P4HA3: variants seen among roughly 807,000 people sequenced by gnomAD.
P4HA3 encodes the protein prolyl 4-hydroxylase subunit alpha 3.
Under a neutral mutation model 66.7 loss-of-function variants are expected in P4HA3, and 60 were observed. The ratio of observed to expected loss-of-function variants is 0.90; its 90% CI spans 0.73 to 1.12. P4HA3 has a LOEUF of 1.12. P4HA3 is among the 50% of genes most tolerant of loss of function. The pLI is 0.00. For synonymous variants in P4HA3, 263 were observed against 274.6 expected (o/e 0.96, Z 0.42); for missense variants, 683 against 685.8 (o/e 1.00, Z 0.05).
intron 4 of P4HA3, among the ~76,000 whole-genome samples, chr11:74,294,717 C>T (rs1025631766): frequency 6.6e-6 from 1 of 152,182 alleles, no homozygotes; most frequent in African/African-American, 2.4e-5. Context: ...CCACTCCAGA[C>T]CCTGTTTGCC....
At chr11:74,252,254 T>TG (rs1466899604) in intron 15 of P4HA3, among the ~76,000 whole-genome samples, 58 of 150,228 alleles carry the variant, frequency 3.9e-4, no homozygotes, top group African/African-American at 1.3e-3. Flanking sequence ...TTTTTTTGTT[T>TG]TTTTTTTTTT....
chr11:74,250,902 A>T (rs1859641044), intron 15 of P4HA3: 1 of 1,475,516 alleles, frequency 6.8e-7, no homozygotes, highest in Non-Finnish European at 9.3e-7. Flanking sequence ...GAGGCTGCAT[A>T]AGAGAGGGCT....
chr11:74,302,726 A>G, intron 2 of P4HA3, 134 bp from the exon 3 acceptor site: 1 of 792,040 alleles, frequency 1.3e-6, no homozygotes, highest in Non-Finnish European at 2.0e-6. Flanking sequence ...CCCAGAGGCA[A>G]GCACAGTTCC....
At chr11:74,252,239 G>GT (rs974162487) in intron 15 of P4HA3, among the ~76,000 whole-genome samples, 4,241 of 112,186 alleles carry the variant, frequency 0.038, 185 homozygotes, top group African/African-American at 0.12. Flanking sequence ...GGCTAATTTT[G>GT]TTTTTTTTTT....
chr11:74,269,178 T>C (rs905457269), intron 11 of P4HA3, among the ~76,000 whole-genome samples: 2 of 146,290 alleles, frequency 1.4e-5, no homozygotes, highest in Admixed American at 6.7e-5. Flanking sequence ...CCTCTTAGAC[T>C]CAGTTCTCCT....
At position 74,308,738 on chromosome 11, in the gene P4HA3, C is replaced by T. The variant is rs1368253843; in HGVS notation, c.200+2674G>A. Among the ~76,000 whole-genome samples the T allele has an allele frequency of 2.0e-5, 3 of 151,956 alleles. No homozygotes were observed. In the East Asian group the frequency reaches 5.8e-4, roughly 29 times the overall value. ...TTAATACTTAGAGCCAAAAGTGGGG[C>T]CTAGTTTCACTAGATGGTCTTAAAA... On this transcript the variant is annotated intron_variant, in intron 1 of 12. Coordinates refer to ENST00000331597, the MANE Select transcript of P4HA3 (RefSeq NM_182904.5).
intron 1 of P4HA3, among the ~76,000 whole-genome samples, chr11:74,307,953 T>C (rs1386711173): frequency 6.6e-6 from 1 of 152,168 alleles, no homozygotes; most frequent in Non-Finnish European, 1.5e-5. Context: ...TGTTTTAAAC[T>C]GCAAAAACAG....
In P4HA3 at chr11:74,269,674, T is replaced by C. The variant is rs1414460641; in HGVS notation, c.1445A>G (p.Asn482Ser). 6.2e-6 allele frequency: 10 copies of C among 1,613,756 alleles called. No homozygotes were observed. The highest frequency in any genetic ancestry group is 3.3e-5 in the South Asian group (3 of 91,022). ...CACCCTAACCACAGGCACGCTGAGG[T>C]TGGCATAGATGAAGGCTGTGGCTCC... ...AGGATAFIYA[N>S]LSVPVVRNAA... Residue 482 changes from asparagine to serine, a missense_variant, in exon 11 of 13, where the codon AAC (asparagine) becomes AGC (serine). Physicochemically the swap from Asn to Ser is conservative, Grantham distance 46 (BLOSUM62 1). Transcript: ENST00000331597.
chr11:74,298,710 G>C (rs1329506972), intron 3 of P4HA3, among the ~76,000 whole-genome samples: 1 of 152,180 alleles, frequency 6.6e-6, no homozygotes, highest in East Asian at 1.9e-4. Flanking sequence ...AAAGCTTCAT[G>C]CAAGAGGTAG....
At chr11:74,310,206 T>C (rs1314412668) in intron 1 of P4HA3, among the ~76,000 whole-genome samples, 2 of 152,236 alleles carry the variant, frequency 1.3e-5, no homozygotes, top group Non-Finnish European at 2.9e-5. Context: ...GCGCAGCACA[T>C]ATTCATACAG....
At chr11:74,256,266 G>A (rs1859828777) in intron 15 of P4HA3, among the ~76,000 whole-genome samples, 1 of 152,196 alleles carries the variant, frequency 6.6e-6, no homozygotes, top group African/African-American at 2.4e-5. Context: ...GAAGGAGGAT[G>A]ACCGTGGAGA....
At chr11:74,308,041 C>G (rs1257100340) in intron 1 of P4HA3, among the ~76,000 whole-genome samples, 1 of 152,010 alleles carries the variant, frequency 6.6e-6, no homozygotes, top group Admixed American at 6.6e-5. Context: ...ACTATATATA[C>G]TATAACAAGT....
intron 7 of P4HA3, among the ~76,000 whole-genome samples, chr11:74,281,337 C>G (rs1189757612): frequency 2.6e-5 from 4 of 151,974 alleles, no homozygotes; most frequent in Non-Finnish European, 5.9e-5. Flanking sequence ...GGATCTAGAA[C>G]TAGAAATACC....
At chr11:74,286,693 G>T (rs1418691848) in intron 5 of P4HA3, among the ~76,000 whole-genome samples, 5 of 152,172 alleles carry the variant, frequency 3.3e-5, no homozygotes, top group African/African-American at 1.2e-4. Context: ...CTGGGATACT[G>T]TGATGGTATA....
rs764264450 is a variant in P4HA3, at chr11:74,273,511, A to C, written c.1398+34T>G. 7 of 1,432,342 alleles carry C rather than the reference A, an allele frequency of 4.9e-6. No homozygotes were observed. The Admixed American group carries it at 1.3e-4, about 27-fold the overall frequency. 88.7% of individuals were successfully genotyped at this position (1,432,342 alleles called of 1,614,324 possible). ...AATAAAATAAAGTAGAGCTATAGTC[A>C]GTCATGAAGTAAGAAGCCCAGAGCA... On this transcript the variant is annotated intron_variant, in intron 10 of 12. Transcript: ENST00000331597.
intron 15 of P4HA3, chr11:74,254,070 G>C (rs773604904): frequency 1.3e-5 from 2 of 153,838 alleles, no homozygotes. Context: ...GCGAGCGGTG[G>C]TGGTGGATAG....
intron 11 of P4HA3, 76 bp downstream of exon 11, chr11:74,269,576 C>G (rs1860116648): frequency 1.4e-6 from 2 of 1,455,248 alleles, no homozygotes; most frequent in Non-Finnish European, 1.9e-6. Context: ...GGCTTGCAAG[C>G]ACAGACAGCG....
intron 5 of P4HA3, 123 bp from the exon 6 acceptor site, chr11:74,286,514 A>T: frequency 1.2e-6 from 1 of 847,380 alleles, no homozygotes; most frequent in Non-Finnish European, 1.7e-6. Context: ...CTCCTGAATA[A>T]CTCCTCATGT....
downstream of P4HA3, among the ~76,000 whole-genome samples, chr11:74,265,642 A>G (rs1859979213): frequency 6.6e-6 from 1 of 152,192 alleles, no homozygotes; most frequent in African/African-American, 2.4e-5. Flanking sequence ...AACACTTCTC[A>G]TCACACTCTG....
Sources: allele counts gnomAD v4.1 joint callset (sites outside exome capture counted in the v4.1 genomes callset), GRCh38; gene constraint gnomAD v4.1.1; transcripts MANE v1.5; gene names NCBI Gene and HGNC (gene_info 2026-07-23, HGNC 2026-07-21).